Variants in MAGI3 observed in about 807,000 individuals in gnomAD.
MAGI3 encodes the protein membrane-associated guanylate kinase, WW and PDZ domain-containing protein 3.
MAGI3 carries 43 observed loss-of-function variants against 121.8 expected under a neutral mutation model. The ratio of observed to expected loss-of-function variants is 0.35; its 90% CI spans 0.28 to 0.46. MAGI3 has a LOEUF of 0.46. Ranked by LOEUF, MAGI3 falls within the 20% of genes least tolerant of loss-of-function variation. The pLI, the probability that MAGI3 is intolerant of heterozygous loss-of-function variation, is 1.00. For synonymous variants in MAGI3, 553 were observed against 639.3 expected, an observed-to-expected ratio of 0.86 and a Z score of 2.04; for missense variants, 1,547 against 1,797.3, an observed-to-expected ratio of 0.86 and a Z score of 2.52.
In MAGI3 at chr1:113,643,754, C is replaced by G. The variant is rs752203173; in HGVS notation, c.1978C>G (p.Pro660Ala). The G allele has an allele frequency of 1.9e-6, 3 of 1,613,824 alleles. No individual in the cohort carries two copies. In the Admixed American group the frequency reaches 5.0e-5, roughly 27 times the overall value. Residue 660 changes from proline (P) to alanine (A), a missense_variant, in exon 11 of 21, where the codon CCA (proline) becomes GCA (alanine). Transcript: ENST00000307546. ...ATTTTTTTTTTAAGGTCCTCCTTCA[C>G]CAACCAAAACTGCCAAAATGGTGAG... is the stretch of plus-strand genomic sequence containing the variant. ...LLILRGGPPS[P>A]TKTAKMKTDK...
rs753774996 is a variant in MAGI3 at position 113,585,435 on chromosome 1, A to G, written c.602A>G (p.Gln201Arg). Reference protein sequence around the residue: ...PKPPAEPSPFQPDPVDQVLFD... With the variant: ...PKPPAEPSPFRPDPVDQVLFD... ...CCTCCAGCAGAACCCAGCCCTTTTC[A>G]GCCAGATCCAGTTGATCAAGTCCTC... is the stretch of plus-strand genomic sequence containing the variant. The change falls in exon 4 of 21, where the codon CAG becomes CGG. Residue 201 changes from glutamine to arginine, a missense_variant. By Grantham distance (43) the Gln-to-Arg change is conservative (BLOSUM62 1). Coordinates refer to ENST00000307546, the MANE Select transcript of MAGI3 (RefSeq NM_001142782.2). The G allele has an allele frequency of 1.2e-6, 2 of 1,614,136 alleles. No individual in the cohort carries two copies. The highest frequency in any genetic ancestry group is 1.7e-6 in the Non-Finnish European group (2 of 1,179,996).
intron 7 of MAGI3, among the ~76,000 whole-genome samples, chr1:113,618,875 A>ATC (rs1207229751): frequency 6.6e-6 from 1 of 152,224 alleles, no homozygotes; most frequent in Admixed American, 6.5e-5. Context: ...GTGTTAGAAT[A>ATC]TGATTTCCAT....
chr1:113,406,279 A>G (rs1404678441), intron 1 of MAGI3, among the ~76,000 whole-genome samples: 1 of 119,142 alleles, frequency 8.4e-6, no homozygotes, highest in African/African-American at 3.1e-5. Context: ...TTGTCTACAG[A>G]AAAAAAAAAA....
chr1:113,562,199 A>G (rs1255721749), intron 2 of MAGI3, among the ~76,000 whole-genome samples: 1 of 152,172 alleles, frequency 6.6e-6, no homozygotes, highest in Non-Finnish European at 1.5e-5. Flanking sequence ...AGGTCAGGAG[A>G]TCGAGACCAT....
chr1:113,595,179 T>C (rs1648923342), intron 6 of MAGI3, among the ~76,000 whole-genome samples: 1 of 152,150 alleles, frequency 6.6e-6, no homozygotes, highest in Non-Finnish European at 1.5e-5. Context: ...CACAAACCTG[T>C]AGTCCTAAAG....
intron 14 of MAGI3, among the ~76,000 whole-genome samples, chr1:113,652,280 G>A (rs1051624882): frequency 3.3e-5 from 5 of 152,192 alleles, no homozygotes; most frequent in African/African-American, 1.2e-4. Context: ...ATGAAGGTAT[G>A]AATTTTTATT....
rs1570652840 is a variant in MAGI3 at position 113,422,684 on chromosome 1, A to T, written c.316+31335A>T. Among the ~76,000 whole-genome samples, 1 of 152,336 alleles carries T rather than the reference A, an allele frequency of 6.6e-6. No homozygotes were observed. The highest frequency in any genetic ancestry group is 2.1e-4 in the South Asian group (1 of 4,834). ...TTCTGCTGCGGGCACTAGTGTCTGG[A>T]TAAGGGAACGTGGTGGCGCCTGAAA... is the stretch of plus-strand genomic sequence containing the variant. On this transcript the variant is annotated intron_variant, in intron 1 of 20. Coordinates refer to ENST00000307546, the MANE Select transcript of MAGI3 (RefSeq NM_001142782.2). The surrounding 1 kb of genome is among the most constrained non-coding windows in gnomAD (Gnocchi z 4.3).
At chr1:113,416,375 AT>A (rs1416989027) in intron 1 of MAGI3, among the ~76,000 whole-genome samples, 1 of 106,250 alleles carries the variant, frequency 9.4e-6, no homozygotes, top group Non-Finnish European at 1.9e-5. Context: ...TTATATTAAT[AT>A]ATTAATAATA....
At chr1:113,655,207 T>G (rs1653404730) in intron 15 of MAGI3, among the ~76,000 whole-genome samples, 1 of 152,180 alleles carries the variant, frequency 6.6e-6, no homozygotes, top group Non-Finnish European at 1.5e-5. Flanking sequence ...GGAATCAGTA[T>G]TTCCAAAAAC....
rs1350304458 is a variant in MAGI3 at position 113,422,624 on chromosome 1, A to AAGGGTGC, written c.316+31277_316+31283dup. Among the ~76,000 whole-genome samples the AAGGGTGC allele has an allele frequency of 1.3e-5, 2 of 152,242 alleles. No homozygotes were observed. Among genetic ancestry groups the AAGGGTGC allele is most frequent in the Non-Finnish European group, 2.9e-5 (2 of 68,038 alleles). On this transcript the variant is annotated intron_variant, in intron 1 of 20. Transcript: ENST00000307546. This position sits in a 1 kb window ranked among gnomAD's most constrained non-coding sequence, Gnocchi z 4.3. Reference sequence around the variant, plus strand: ...GCTGGCACAGGCGCCTGCTCCGTGCAAGGGTGCATCTATACCAGACATACC... The same window carrying AAGGGTGC: ...GCTGGCACAGGCGCCTGCTCCGTGCAAGGGTGCAGGGTGCATCTATACCAGACATACC...
chr1:113,659,312 C>T (rs1275285794), intron 16 of MAGI3, 47 bp downstream of exon 16: 3 of 1,590,108 alleles, frequency 1.9e-6, no homozygotes, highest in Non-Finnish European at 2.6e-6. Context: ...CTGAGAGGCA[C>T]AAAGCCTGTG....
At chr1:113,448,617 C>G (rs1654300425) in intron 1 of MAGI3, among the ~76,000 whole-genome samples, 1 of 152,028 alleles carries the variant, frequency 6.6e-6, no homozygotes, top group Non-Finnish European at 1.5e-5. Context: ...TGTAGGTAAC[C>G]CTAATTTCTT....
chr1:113,618,108 T>C (rs1650587771), intron 7 of MAGI3, among the ~76,000 whole-genome samples: 1 of 152,164 alleles, frequency 6.6e-6, no homozygotes, highest in Non-Finnish European at 1.5e-5. Flanking sequence ...CCACCACTCT[T>C]AATGTTTACA....
intron 1 of MAGI3, among the ~76,000 whole-genome samples, chr1:113,516,563 A>T (rs545730307): frequency 1.3e-5 from 2 of 152,164 alleles, no homozygotes; most frequent in Non-Finnish European, 2.9e-5. Flanking sequence ...ACAAATATCC[A>T]TGAGCCCATA....
intron 1 of MAGI3, among the ~76,000 whole-genome samples, chr1:113,539,766 G>A (rs183963725): frequency 1.1e-3 from 166 of 150,636 alleles, no homozygotes; most frequent in Non-Finnish European, 1.9e-3. Context: ...GCATTGGACT[G>A]CATTGTCATA....
intron 1 of MAGI3, among the ~76,000 whole-genome samples, chr1:113,512,141 T>C (rs1657646055): frequency 6.6e-6 from 1 of 152,192 alleles, no homozygotes; most frequent in South Asian, 2.1e-4. Flanking sequence ...ACAAAATGGG[T>C]AAAAATGACT....
At chr1:113,489,889 G>A (rs12039226) in intron 1 of MAGI3, among the ~76,000 whole-genome samples, 22,877 of 151,974 alleles carry the variant, frequency 0.15, 2,748 homozygotes, top group East Asian at 0.63. Context: ...ATGGAATTAT[G>A]TAAAGAGACC....
Position 113,629,756 on chromosome 1 carries a change from CTCT to C in MAGI3, c.1360+6763_1360+6765del, listed in dbSNP as rs1651488626. 2.2e-3 allele frequency among the ~76,000 whole-genome samples: 213 copies of C among 97,240 alleles called. 1 individual carries two copies. The highest frequency in any genetic ancestry group is 0.014 in the East Asian group (37 of 2,708). The allele number at this position is 97,240 out of a possible 152,430, so 63.8% of individuals were successfully genotyped here. ...TCTCTCTCTCTCTCTCTCTCTCTCTCTCTCTCCCTCCCTCCCTCCCTCCCTCCC... is the reference window on the plus strand; with the variant it reads ...TCTCTCTCTCTCTCTCTCTCTCTCTCCTCCCTCCCTCCCTCCCTCCCTCCC... On this transcript the variant is annotated intron_variant, in intron 9 of 20. Transcript: ENST00000307546.
In MAGI3 at chr1:113,391,019, G is replaced by A; in HGVS notation, c.-15G>A. 1 of 1,568,164 alleles carries A rather than the reference G, an allele frequency of 6.4e-7. No individual in the cohort carries two copies. The highest frequency in any genetic ancestry group is 8.6e-7 in the Non-Finnish European group (1 of 1,158,854). On this transcript the variant is annotated 5_prime_UTR_variant, in exon 1 of 21. Coordinates refer to ENST00000307546, the MANE Select transcript of MAGI3 (RefSeq NM_001142782.2). This position sits in a 1 kb window ranked among gnomAD's most constrained non-coding sequence, Gnocchi z 4.4. Reference sequence around the variant, plus strand: ...GCCCGCGCGGGGTCTCCCCCATGGTGCAGCGGGGTTCGGGATGTCGAAGAC... The same window carrying A: ...GCCCGCGCGGGGTCTCCCCCATGGTACAGCGGGGTTCGGGATGTCGAAGAC...
Sources: allele counts gnomAD v4.1 joint callset (sites outside exome capture counted in the v4.1 genomes callset), GRCh38; gene constraint gnomAD v4.1.1; non-coding constraint Gnocchi (gnomAD v3.1); transcripts MANE v1.5; gene names NCBI Gene and HGNC (gene_info 2026-07-23, HGNC 2026-07-21).